The following SLC26A7 variants were observed in gnomAD, a reference collection of about 807,000 sequenced individuals.
SLC26A7 encodes the protein solute carrier family 26 member 7.
A neutral mutation model predicts 82.5 loss-of-function variants in SLC26A7; 59 were observed. The observed-to-expected ratio is 0.72, with a 90% CI of 0.58 to 0.89. The LOEUF is 0.89. Among genes scored for constraint, SLC26A7 ranks in the 40% least tolerant of loss-of-function variants. The pLI is 0.00. For missense variants in SLC26A7, 820 were observed against 793.0 expected, an observed-to-expected ratio of 1.03 and a Z score of -0.41; for synonymous variants, 271 against 274.3, an observed-to-expected ratio of 0.99 and a Z score of 0.12.
chr8:91,366,360 G>A (rs1257119841), intron 13 of SLC26A7, among the ~76,000 whole-genome samples: 2 of 152,176 alleles, frequency 1.3e-5, no homozygotes, highest in African/African-American at 2.4e-5. Flanking sequence ...TTTCTGAAAA[G>A]CTGCCAACCT....
At chr8:91,343,618 C>T (rs1057150836) in intron 9 of SLC26A7, 152 bp downstream of exon 9, 3 of 551,620 alleles carry the variant, frequency 5.4e-6, no homozygotes, top group African/African-American at 1.9e-5. Context: ...CCTTCTCTCT[C>T]TCATCTCTAT....
chr8:91,313,062 A>C (rs565036065), intron 4 of SLC26A7, among the ~76,000 whole-genome samples: 13 of 152,228 alleles, frequency 8.5e-5, no homozygotes, highest in Non-Finnish European at 1.0e-4. Context: ...AGCACTGCCT[A>C]ATCTGATGTT....
intron 2 of SLC26A7, among the ~76,000 whole-genome samples, chr8:91,279,137 A>ATATATATATATG (rs1554603794): frequency 3.9e-4 from 39 of 100,364 alleles, no homozygotes; most frequent in Non-Finnish European, 5.8e-4. Flanking sequence ...ATATATATAT[A>ATATATATATATG]TATATATATA....
chr8:91,355,799 C>A (rs992781347), intron 11 of SLC26A7, among the ~76,000 whole-genome samples: 4 of 152,002 alleles, frequency 2.6e-5, no homozygotes, highest in Middle Eastern at 3.4e-3. Context: ...CATATGTATA[C>A]ATGTGCCATG....
intron 15 of SLC26A7, among the ~76,000 whole-genome samples, chr8:91,374,501 A>G (rs1253095743): frequency 6.6e-6 from 1 of 151,998 alleles, no homozygotes; most frequent in Non-Finnish European, 1.5e-5. Flanking sequence ...GCCATTCAGG[A>G]GCAAGTTGCT....
At chr8:91,241,497 C>T (rs566355466) in intron 2 of SLC26A7, among the ~76,000 whole-genome samples, 1 of 152,078 alleles carries the variant, frequency 6.6e-6, no homozygotes, top group South Asian at 2.1e-4. Flanking sequence ...ATATAAATAG[C>T]TTCTGAATTC....
In SLC26A7 at chr8:91,326,062, G is replaced by T. The variant is rs563557654; in HGVS notation, c.642+7682G>T. The stretch of plus-strand genomic sequence containing the variant: ...ATCAACTATGCCTGATTGATCTTTG[G>T]TAGATGGTCATTCAGTTGGCCATCT... On this transcript the variant is annotated intron_variant, in intron 5 of 18. Transcript: ENST00000276609. Among the ~76,000 whole-genome samples the T allele has an allele frequency of 6.0e-4, 92 of 152,174 alleles. 1 individual carries two copies. In the South Asian group the frequency reaches 0.019, roughly 31 times the overall value.
At chr8:91,303,533 T>C (rs1332401395) in intron 4 of SLC26A7, among the ~76,000 whole-genome samples, 1 of 152,204 alleles carries the variant, frequency 6.6e-6, no homozygotes, top group Admixed American at 6.5e-5. Flanking sequence ...GTGGTTTGAG[T>C]ATCTTTTAGT....
chr8:91,303,476 G>C (rs549544330), intron 4 of SLC26A7, among the ~76,000 whole-genome samples: 1 of 152,154 alleles, frequency 6.6e-6, no homozygotes, highest in African/African-American at 2.4e-5. Context: ...ACTGAGAAAG[G>C]TGTATTCATT....
intron 11 of SLC26A7, among the ~76,000 whole-genome samples, chr8:91,355,437 A>C (rs1394942267): frequency 6.6e-6 from 1 of 151,718 alleles, no homozygotes; most frequent in Non-Finnish European, 1.5e-5. Flanking sequence ...ATATCTATAT[A>C]TTTTCCCATG....
At chr8:91,285,466 G>A (rs1450688787) in intron 2 of SLC26A7, among the ~76,000 whole-genome samples, 1 of 152,212 alleles carries the variant, frequency 6.6e-6, no homozygotes, top group Admixed American at 6.5e-5. Flanking sequence ...CCTATTCCAC[G>A]ATGAGCTCAT....
Position 91,249,598 on chromosome 8 carries a change from A to C in SLC26A7, c.-54A>C. 7.0e-7 allele frequency: 1 copy of C among 1,425,602 alleles called. No homozygotes were observed. The highest frequency in any genetic ancestry group is 9.3e-7 in the Non-Finnish European group (1 of 1,077,790). The allele number at this position is 1,425,602 out of a possible 1,614,324, so 88.3% of individuals were successfully genotyped here. A position where few individuals can be genotyped will look rare whatever the true frequency, so the allele number is the denominator to read the frequency against. ...TGGCATTGAAAGGAGGTGTTCTGCA[A>C]TGATTTTTTTTCTTGTTTAGAGAAG... On this transcript the variant is annotated 5_prime_UTR_variant, in exon 2 of 19. It removes an upstream start codon present in the reference 5' UTR. Transcript: ENST00000276609.
Position 91,375,359 on chromosome 8 carries a change from A to G in SLC26A7, c.1675+5526A>G, listed in dbSNP as rs188690089. On this transcript the variant is annotated intron_variant, in intron 15 of 18. Transcript: ENST00000276609. The stretch of plus-strand genomic sequence containing the variant: ...TGAACTTTGTACACAATATGCTTTC[A>G]TGGTAGCAAGTATTGTCCTTTCATT... Among the ~76,000 whole-genome samples, 51 of 152,264 alleles carry G rather than the reference A, an allele frequency of 3.3e-4. No individual in the cohort carries two copies. The East Asian group carries it at 9.3e-3, about 28-fold the overall frequency.
At chr8:91,335,767 A>G (rs1813222678) in intron 6 of SLC26A7, among the ~76,000 whole-genome samples, 1 of 152,194 alleles carries the variant, frequency 6.6e-6, no homozygotes, top group African/African-American at 2.4e-5. Context: ...AAAATGTTAA[A>G]TATAACAGAT....
At chr8:91,243,926 T>G (rs899937025) in intron 2 of SLC26A7, among the ~76,000 whole-genome samples, 1 of 152,096 alleles carries the variant, frequency 6.6e-6, no homozygotes, top group Non-Finnish European at 1.5e-5. Context: ...TAAATAAAAG[T>G]AAAAAGATGA....
chr8:91,247,375 A>G (rs1586318216), upstream of SLC26A7, among the ~76,000 whole-genome samples: 2 of 152,278 alleles, frequency 1.3e-5, no homozygotes, highest in East Asian at 3.9e-4. Flanking sequence ...CAGGCTGTTC[A>G]AGTTACTCTG....
chr8:91,316,883 G>C (rs1563675825), intron 4 of SLC26A7, among the ~76,000 whole-genome samples: 2 of 149,550 alleles, frequency 1.3e-5, no homozygotes. Flanking sequence ...GCCAGGTATG[G>C]TGGCTCTCAT....
chr8:91,301,889 T>C (rs568330063), intron 4 of SLC26A7, among the ~76,000 whole-genome samples: 1 of 152,188 alleles, frequency 6.6e-6, no homozygotes, highest in East Asian at 1.9e-4. Context: ...TTGATTTTTA[T>C]ATATACTGTG....
chr8:91,341,303 C>A (rs1002692805), intron 8 of SLC26A7, among the ~76,000 whole-genome samples: 2 of 152,114 alleles, frequency 1.3e-5, no homozygotes, highest in Admixed American at 1.3e-4. Context: ...CATGTCCCTA[C>A]AAAGGACATG....
Sources: allele counts gnomAD v4.1 joint callset (sites outside exome capture counted in the v4.1 genomes callset), GRCh38; gene constraint gnomAD v4.1.1; transcripts MANE v1.5; gene names NCBI Gene and HGNC (gene_info 2026-07-23, HGNC 2026-07-21).